Variants in SUZ12 observed in about 807,000 individuals in gnomAD.
SUZ12 encodes the protein SUZ12 polycomb repressive complex 2 subunit, also known as polycomb protein SUZ12.
Under a neutral mutation model 87.3 loss-of-function variants are expected in SUZ12, and 17 were observed. The observed-to-expected ratio is 0.19, with a 90% confidence interval of 0.13 to 0.29. SUZ12 has a LOEUF of 0.29. SUZ12 is among the 10% of genes least tolerant of loss of function. The pLI is 1.00. For missense variants in SUZ12, 526 were observed against 912.2 expected (o/e 0.58, Z 5.45); for synonymous variants, 253 against 312.4 (o/e 0.81, Z 2.01).
intron 1 of SUZ12, among the ~76,000 whole-genome samples, chr17:31,938,299 T>C (rs1317304326): frequency 1.3e-5 from 2 of 152,344 alleles, no homozygotes; most frequent in Non-Finnish European, 1.5e-5. Context: ...TAAGGAATGT[T>C]ATATCCTGAT....
intron 3 of SUZ12, among the ~76,000 whole-genome samples, chr17:31,946,481 G>A (rs547684472): frequency 2.6e-5 from 4 of 152,228 alleles, no homozygotes; most frequent in South Asian, 2.1e-4. Flanking sequence ...GCAGTGAGCC[G>A]AGATCACGTC....
chr17:31,996,543 C>A (rs542336961), intron 14 of SUZ12, among the ~76,000 whole-genome samples: 3 of 152,134 alleles, frequency 2.0e-5, no homozygotes, highest in Non-Finnish European at 4.4e-5. Flanking sequence ...TGCTTGAACC[C>A]GGGAGGTCAA....
At chr17:31,970,802 T>TC (rs928593121) in intron 5 of SUZ12, among the ~76,000 whole-genome samples, 2 of 145,354 alleles carry the variant, frequency 1.4e-5, no homozygotes, top group Admixed American at 6.8e-5. Flanking sequence ...ACTCTCTCTC[T>TC]CAAAAAAAAA....
intron 3 of SUZ12, among the ~76,000 whole-genome samples, chr17:31,946,888 C>T (rs1906670754): frequency 6.6e-6 from 1 of 152,100 alleles, no homozygotes; most frequent in Admixed American, 6.6e-5. Flanking sequence ...TTAAACTTGT[C>T]AAGTTAAAAG....
Position 31,996,777 on chromosome 17 carries a change from GT to G in SUZ12, c.1795-16del. The G allele has an allele frequency of 6.6e-7, 1 of 1,513,906 alleles. No individual in the cohort carries two copies. Among genetic ancestry groups the G allele is most frequent in the Non-Finnish European group, 8.8e-7 (1 of 1,135,314 alleles). 93.8% of individuals were successfully genotyped at this position (1,513,906 alleles called of 1,614,324 possible). On this transcript the variant is annotated intron_variant, in intron 14 of 15. Transcript: ENST00000322652. ...TTCTTAAAATATGTGTTTAATAGGTGTTTTTCTTTCTTTTTCCCAGCAAATT... is the reference window on the plus strand; with the variant it reads ...TTCTTAAAATATGTGTTTAATAGGTGTTTTCTTTCTTTTTCCCAGCAAATT...
At chr17:31,958,639 A>G (rs1907514019) in intron 4 of SUZ12, among the ~76,000 whole-genome samples, 1 of 152,166 alleles carries the variant, frequency 6.6e-6, no homozygotes, top group South Asian at 2.1e-4. Flanking sequence ...TGAGGTCAAG[A>G]GATTGAGACT....
intron 3 of SUZ12, among the ~76,000 whole-genome samples, chr17:31,940,839 C>T (rs1323752595): frequency 1.3e-5 from 2 of 151,550 alleles, no homozygotes; most frequent in Admixed American, 6.6e-5. Flanking sequence ...ATGGGAAAAC[C>T]CTGTATCTAC....
intron 12 of SUZ12, chr17:31,994,308 G>A: frequency 2.3e-6 from 1 of 442,112 alleles, no homozygotes; most frequent in Non-Finnish European, 3.9e-6. Flanking sequence ...CCAACTCTTT[G>A]AATTAAATGA....
At chr17:31,971,110 A>G (rs1052762624) in intron 5 of SUZ12, among the ~76,000 whole-genome samples, 4 of 152,192 alleles carry the variant, frequency 2.6e-5, no homozygotes, top group African/African-American at 9.7e-5. Context: ...ATAGTAAATA[A>G]TATCTTGATT....
rs1261535816 is a variant in SUZ12 at position 32,000,569 on chromosome 17, C to T, written c.*1566C>T. The T allele has an allele frequency of 1.3e-5, 3 of 231,414 alleles. No individual in the cohort carries two copies. The highest frequency in any genetic ancestry group is 2.6e-5 in the Non-Finnish European group (3 of 117,504). The allele number at this position is 231,414 out of a possible 1,614,324, so 14.3% of individuals were successfully genotyped here. A position where few individuals can be genotyped will look rare whatever the true frequency, so the allele number is the denominator to read the frequency against. ...AGTTCTAGTAAACTCTGATTTTTGC[C>T]TCTGGATAGTAGATCTCGAGCGTTT... On this transcript the variant is annotated 3_prime_UTR_variant, in exon 16 of 16. Coordinates refer to ENST00000322652, the MANE Select transcript of SUZ12 (RefSeq NM_015355.4).
chr17:31,993,349 C>A lies in SUZ12; in HGVS notation c.1293+16C>A. 6.9e-7 allele frequency: 1 copy of A among 1,440,284 alleles called. No individual in the cohort carries two copies. The highest frequency in any genetic ancestry group is 9.5e-7 in the Non-Finnish European group (1 of 1,048,458). The allele number at this position is 1,440,284 out of a possible 1,614,324, so 89.2% of individuals were successfully genotyped here. A position where few individuals can be genotyped will look rare whatever the true frequency, so the allele number is the denominator to read the frequency against. ...ATTTTATCAGGTAAACATAGCTGAC[C>A]CTTCTTAAAGTAATTATGAAATGTA... is the stretch of plus-strand genomic sequence containing the variant. On this transcript the variant is annotated intron_variant, in intron 11 of 15. Coordinates refer to ENST00000322652, the MANE Select transcript of SUZ12 (RefSeq NM_015355.4).
chr17:31,951,566 TC>T (rs1281576543), intron 4 of SUZ12, among the ~76,000 whole-genome samples: 2 of 151,736 alleles, frequency 1.3e-5, no homozygotes, highest in African/African-American at 4.8e-5. Context: ...CACTGCAAGT[TC>T]CGCCTCCCGG....
intron 5 of SUZ12, among the ~76,000 whole-genome samples, chr17:31,969,560 G>T (rs1908293634): frequency 6.6e-6 from 1 of 152,284 alleles, no homozygotes; most frequent in East Asian, 1.9e-4. Context: ...CTCCCAAAGT[G>T]CTAGGATTAT....
intron 1 of SUZ12, among the ~76,000 whole-genome samples, chr17:31,937,868 C>T (rs1342981888): frequency 2.2e-5 from 3 of 133,424 alleles, no homozygotes; most frequent in Non-Finnish European, 4.7e-5. Flanking sequence ...TTCTTTCATG[C>T]CTTTCGGACT....
At chr17:31,941,504 G>A (rs550918947) in intron 3 of SUZ12, among the ~76,000 whole-genome samples, 6 of 151,184 alleles carry the variant, frequency 4.0e-5, no homozygotes, top group South Asian at 2.1e-4. Flanking sequence ...TGATCCACCC[G>A]CCTCGGCCTC....
intron 4 of SUZ12, among the ~76,000 whole-genome samples, chr17:31,961,827 C>G (rs1196111205): frequency 2.6e-5 from 4 of 151,774 alleles, no homozygotes; most frequent in Non-Finnish European, 5.9e-5. Context: ...TGGAGCTTAC[C>G]CTCACACTTC....
intron 8 of SUZ12, among the ~76,000 whole-genome samples, chr17:31,981,119 A>C (rs1283388491): frequency 1.3e-5 from 2 of 152,192 alleles, no homozygotes; most frequent in Non-Finnish European, 2.9e-5. Context: ...GAACAAAATA[A>C]AAATCAAAAA....
intron 3 of SUZ12, among the ~76,000 whole-genome samples, chr17:31,945,422 C>A (rs1291413975): frequency 6.6e-6 from 1 of 152,088 alleles, no homozygotes; most frequent in Non-Finnish European, 1.5e-5. Flanking sequence ...TAACACTGCC[C>A]CAACAAAGTA....
At chr17:31,950,806 G>A (rs534898071) in intron 4 of SUZ12, among the ~76,000 whole-genome samples, 19 of 151,708 alleles carry the variant, frequency 1.3e-4, no homozygotes, top group African/African-American at 4.6e-4. Context: ...TTGAGACGGA[G>A]TCTCGCTCTG....
Sources: gnomAD v4.1 joint callset for allele counts (sites outside exome capture counted in the v4.1 genomes callset) on GRCh38, gnomAD v4.1.1 for gene constraint, MANE v1.5 for transcripts, NCBI Gene and HGNC (gene_info 2026-07-23, HGNC 2026-07-21) for gene names.